The following APC variants were observed in gnomAD, a reference collection of about 807,000 sequenced individuals.
The protein encoded by APC is adenomatous polyposis coli protein.
Under a neutral mutation model 247.0 loss-of-function variants are expected in APC, and 72 were observed. The observed-to-expected ratio is 0.29, with a 90% confidence interval of 0.24 to 0.35. APC has a LOEUF of 0.35. Among genes scored for constraint, APC ranks in the 10% least tolerant of loss-of-function variants. The probability of loss-of-function intolerance (pLI) is 1.00; values close to 1 mark genes in which losing one functional copy is unlikely to be tolerated. For synonymous variants in APC, 1,254 were observed against 1,162.5 expected, an observed-to-expected ratio of 1.08 and a Z score of -1.60; for missense variants, 3,400 against 3,360.7, an observed-to-expected ratio of 1.01 and a Z score of -0.29.
intron 1 of APC, among the ~76,000 whole-genome samples, chr5:112,719,975 TA>T (rs1441606605): frequency 6.6e-6 from 1 of 152,238 alleles, no homozygotes; most frequent in African/African-American, 2.4e-5. Context: ...CACATCTATT[TA>T]AAATATAGGT....
intron 9 of APC, 106 bp from the exon 10 acceptor site, chr5:112,818,860 T>TTTTTTTGAGTTATAGTAAATATCCCA: frequency 8.3e-7 from 1 of 1,208,106 alleles, no homozygotes; most frequent in South Asian, 1.3e-5. Context: ...GGGGGGTTGT[T>TTTTTTTGAGTTATAGTAAATATCCCA]TTGTTTTTTT....
chr5:112,764,476 G>T (rs929043042), intron 2 of APC, among the ~76,000 whole-genome samples: 1 of 152,196 alleles, frequency 6.6e-6, no homozygotes, highest in African/African-American at 2.4e-5. Flanking sequence ...CTAAGGATTT[G>T]AGCTGGAGGA....
chr5:112,785,658 A>T (rs1288266461), intron 6 of APC, among the ~76,000 whole-genome samples: 2 of 152,202 alleles, frequency 1.3e-5, no homozygotes, highest in Admixed American at 6.5e-5. Flanking sequence ...TAGGCAAATG[A>T]TAGAGACTAG....
chr5:112,728,081 A>AG (rs1751892714), intron 1 of APC, among the ~76,000 whole-genome samples: 2 of 151,602 alleles, frequency 1.3e-5, no homozygotes, highest in African/African-American at 4.9e-5. Flanking sequence ...ATTTTTTTGC[A>AG]ATTTTTTTTT....
intron 1 of APC, among the ~76,000 whole-genome samples, chr5:112,751,863 T>C (rs1159666897): frequency 1.3e-5 from 2 of 152,026 alleles, no homozygotes; most frequent in Non-Finnish European, 2.9e-5. Flanking sequence ...TTAAGTATGC[T>C]GTTGGCCTTG....
In APC at chr5:112,837,589, A is replaced by G. The variant is rs1023818848; in HGVS notation, c.1995A>G (p.Leu665=). Residue 665 remains leucine (L), a synonymous_variant, in exon 16 of 16, where the codon TTA becomes TTG. Transcript: ENST00000257430. ...GAGAGAACAACTGTCTACAAACTTT[A>G]TTACAACACTTAAAATCTCATAGTT... ...ILRENNCLQT[L]LQHLKSHSLT... 3.7e-6 allele frequency: 6 copies of G among 1,612,970 alleles called. No homozygotes were observed. The African/African-American group carries it at 8.0e-5, about 21-fold the overall frequency.
chr5:112,815,184 T>G lies in APC; in HGVS notation c.835-311T>G, dbSNP rs187982873. ...CCTTCAATGCTTTTCATCAATGAAC[T>G]TATCTGAATGTGGTTTTATTTATTT... On this transcript the variant is annotated intron_variant, in intron 8 of 15. Coordinates refer to ENST00000257430, the MANE Select transcript of APC (RefSeq NM_000038.6). Among the ~76,000 whole-genome samples, 7 of 152,352 alleles carry G rather than the reference T, an allele frequency of 4.6e-5. No individual in the cohort carries two copies. The East Asian group carries it at 1.2e-3, about 25-fold the overall frequency.
At chr5:112,829,112 T>G in intron 14 of APC, 140 bp downstream of exon 14, 1 of 654,100 alleles carries the variant, frequency 1.5e-6, no homozygotes, top group Non-Finnish European at 2.8e-6. Flanking sequence ...GTTTAGCTTT[T>G]TTTGCTGCCT....
chr5:112,721,046 G>A (rs987164046), intron 1 of APC, among the ~76,000 whole-genome samples: 1 of 152,190 alleles, frequency 6.6e-6, no homozygotes, highest in Non-Finnish European at 1.5e-5. Context: ...GGAGAACACA[G>A]TAAGTAAGGT....
At chr5:112,812,301 CA>C (rs1762065540) in intron 8 of APC, among the ~76,000 whole-genome samples, 1 of 152,148 alleles carries the variant, frequency 6.6e-6, no homozygotes. Context: ...GTGTTTGCTT[CA>C]GGGTAAAGAC....
intron 1 of APC, chr5:112,708,025 C>A: frequency 1.1e-6 from 1 of 881,248 alleles, no homozygotes; most frequent in Non-Finnish European, 1.5e-6. Flanking sequence ...TCCCCGCACT[C>A]CCCATTCAGG....
intron 8 of APC, among the ~76,000 whole-genome samples, chr5:112,805,416 A>G (rs111442561): frequency 9.6e-4 from 146 of 152,134 alleles, no homozygotes; most frequent in African/African-American, 3.2e-3. Flanking sequence ...TAAGTGATGA[A>G]CTCTGATAGT....
chr5:112,742,490 T>A (rs952097426), intron 1 of APC, among the ~76,000 whole-genome samples: 4 of 152,234 alleles, frequency 2.6e-5, no homozygotes, highest in African/African-American at 9.6e-5. Context: ...GAAGTAGCAG[T>A]CACGATGTCA....
At chr5:112,730,500 A>C (rs1752046793) in intron 1 of APC, among the ~76,000 whole-genome samples, 1 of 152,256 alleles carries the variant, frequency 6.6e-6, no homozygotes, top group African/African-American at 2.4e-5. Flanking sequence ...ATGCATGTGA[A>C]TAGTGATACC....
At position 112,780,971 on chromosome 5, in the gene APC, G is replaced by A; in HGVS notation, c.645+68G>A. The A allele has an allele frequency of 2.9e-6, 3 of 1,032,196 alleles. No homozygotes were observed. In the South Asian group the frequency reaches 4.1e-5, roughly 14 times the overall value. The allele number at this position is 1,032,196 out of a possible 1,614,324, so 63.9% of individuals were successfully genotyped here. ...TAGGAATAAAATGAATTACAGCTCT[G>A]TTAATATTGATTAAATTTTATTAAA... On this transcript the variant is annotated intron_variant, in intron 6 of 15. Coordinates refer to ENST00000257430, the MANE Select transcript of APC (RefSeq NM_000038.6).
At chr5:112,723,174 T>C (rs1020364110) in intron 1 of APC, among the ~76,000 whole-genome samples, 2 of 152,000 alleles carry the variant, frequency 1.3e-5, no homozygotes, top group Admixed American at 1.3e-4. Flanking sequence ...ATAAGCATTA[T>C]AGTAGTGAAG....
In APC at chr5:112,829,299, G is replaced by A. The variant is rs1004571811; in HGVS notation, c.1743+327G>A. 3.4e-5 allele frequency: 9 copies of A among 268,646 alleles called. No homozygotes were observed. In the Middle Eastern group the frequency reaches 4.2e-3, roughly 125 times the overall value. The allele number at this position is 268,646 out of a possible 1,614,324, so 16.6% of individuals were successfully genotyped here. ...GATTACAGTGCACGCCACCACTCCC[G>A]GCTATTTGTATTTTTAGTAGAGATG... On this transcript the variant is annotated intron_variant, in intron 14 of 15. Transcript: ENST00000257430.
At chr5:112,783,702 G>T (rs897806779) in intron 6 of APC, 19 of 262,164 alleles carry the variant, frequency 7.2e-5, no homozygotes, top group African/African-American at 3.5e-4. Context: ...GGCTGAGGCT[G>T]AGGAGGATCC....
At chr5:112,836,460 AGAC>A (rs1474651007) in intron 15 of APC, among the ~76,000 whole-genome samples, 1 of 152,196 alleles carries the variant, frequency 6.6e-6, no homozygotes, top group Non-Finnish European at 1.5e-5. Flanking sequence ...TGCTAAGAGA[AGAC>A]GACCATGTTA....
Sources: allele counts gnomAD v4.1 joint callset (sites outside exome capture counted in the v4.1 genomes callset), GRCh38; gene constraint gnomAD v4.1.1; transcripts MANE v1.5; gene names NCBI Gene and HGNC (gene_info 2026-07-23, HGNC 2026-07-21).